Variants in CORO2B observed in about 807,000 individuals in gnomAD.
The protein encoded by CORO2B is coronin 2B.
A neutral mutation model predicts 58.8 loss-of-function variants in CORO2B; 26 were observed. The ratio of observed to expected loss-of-function variants is 0.44; its 90% CI spans 0.32 to 0.61. The LOEUF is 0.61. Ranked by LOEUF, CORO2B falls within the 20% of genes least tolerant of loss-of-function variation. CORO2B has a pLI of 0.04. For missense variants in CORO2B, 460 were observed against 645.1 expected, an observed-to-expected ratio of 0.71 and a Z score of 3.11; for synonymous variants, 242 against 253.8, an observed-to-expected ratio of 0.95 and a Z score of 0.44.
chr15:68,523,203 CT>C, the CORO2B span, among the ~76,000 whole-genome samples: 1 of 150,732 alleles, frequency 6.6e-6, no homozygotes, highest in Non-Finnish European at 1.5e-5. Flanking sequence ...TTTCTTTTTT[CT>C]TTTTGAGACA....
chr15:68,635,309 G>A (rs1218623703), intron 1 of CORO2B, among the ~76,000 whole-genome samples: 1 of 152,198 alleles, frequency 6.6e-6, no homozygotes, highest in Non-Finnish European at 1.5e-5. Context: ...GCACAGACCA[G>A]CCTCAGTGGC....
intron 1 of CORO2B, among the ~76,000 whole-genome samples, chr15:68,582,025 A>AGT (rs1899439381): frequency 1.3e-5 from 2 of 152,182 alleles, no homozygotes; most frequent in African/African-American, 4.8e-5. Flanking sequence ...AGAAGAGGAA[A>AGT]GCAGATGGCA....
At chr15:68,572,688 A>T in the CORO2B span, among the ~76,000 whole-genome samples, 1 of 152,092 alleles carries the variant, frequency 6.6e-6, no homozygotes, top group Non-Finnish European at 1.5e-5. Flanking sequence ...CCCAGGTGAA[A>T]CTGAGGCTGG....
At chr15:68,701,555 G>C (rs562454894) in intron 3 of CORO2B, among the ~76,000 whole-genome samples, 6 of 114,990 alleles carry the variant, frequency 5.2e-5, no homozygotes, top group African/African-American at 2.0e-4. Flanking sequence ...GCGCGATCTC[G>C]ACTCACTGCA....
At position 68,650,356 on chromosome 15, in the gene CORO2B, T is replaced by C. The variant is rs12907941; in HGVS notation, c.216+4996T>C. On this transcript the variant is annotated intron_variant, in intron 2 of 11. Coordinates refer to ENST00000261861, the MANE Select transcript of CORO2B (RefSeq NM_006091.5). ...TGGGCAACAAGAGCGAAACTCTGTC[T>C]AAAAAAAAAAAAAAAAAAAAAAAAA... Among the ~76,000 whole-genome samples, 16 of 86,082 alleles carry C rather than the reference T, an allele frequency of 1.9e-4. No homozygotes were observed. In the East Asian group the frequency reaches 5.1e-3, roughly 28 times the overall value. 56.5% of individuals were successfully genotyped at this position (86,082 alleles called of 152,430 possible). A position where few individuals can be genotyped will look rare whatever the true frequency, so the allele number is the denominator to read the frequency against.
chr15:68,579,793 A>ACTCTGTGCAGAAGGCGGCTCT (rs1899382209), intron 1 of CORO2B, among the ~76,000 whole-genome samples: 1 of 152,208 alleles, frequency 6.6e-6, no homozygotes, highest in Non-Finnish European at 1.5e-5. Context: ...GGCGCTGCCC[A>ACTCTGTGCAGAAGGCGGCTCT]GTCCCGGGAG....
rs1893110632 is a variant in CORO2B, at chr15:68,719,427, T to C, written c.1186T>C (p.Ser396Pro). Residue 396 changes from serine (S) to proline (P), a missense_variant, in exon 11 of 12, where the codon TCT becomes CCT. Coordinates refer to ENST00000261861, the MANE Select transcript of CORO2B (RefSeq NM_006091.5). ...GCCTTCTTTAGATCCCGTGCTGATG[T>C]CTTTGAAAGAAGGCTATAAGAAGTC... ...GGINRDPVLM[S>P]LKEGYKKSSK... The C allele has an allele frequency of 6.2e-7, 1 of 1,613,842 alleles. No individual in the cohort carries two copies. The highest frequency in any genetic ancestry group is 1.1e-5 in the South Asian group (1 of 91,046).
chr15:68,625,232 T>C (rs1231349479), intron 1 of CORO2B, among the ~76,000 whole-genome samples: 1 of 152,144 alleles, frequency 6.6e-6, no homozygotes, highest in East Asian at 1.9e-4. Context: ...TTATGCAACT[T>C]TCTCTATCTA....
At chr15:68,638,179 TCTCCCTCCCTC>T (rs1901094237) in intron 1 of CORO2B, among the ~76,000 whole-genome samples, 1 of 151,988 alleles carries the variant, frequency 6.6e-6, no homozygotes, top group Admixed American at 6.6e-5. Flanking sequence ...ATCCAGAACC[TCTCCCTCCCTC>T]CTCCTGACCC....
Position 68,714,569 on chromosome 15 carries a change from C to G in CORO2B, c.776C>G (p.Ser259Cys), listed in dbSNP as rs908456925. 6.2e-7 allele frequency: 1 copy of G among 1,613,822 alleles called. No homozygotes were observed. The highest frequency in any genetic ancestry group is 8.5e-7 in the Non-Finnish European group (1 of 1,179,726). ...GCTCTTCTCCCTCAGGAGGACCTCT[C>G]CATGCCCCTGATCGAAGAGGAAATT... ...QIALWDQEDLSMPLIEEEIDG... is the reference protein window; with the variant it reads ...QIALWDQEDLCMPLIEEEIDG... The change falls in exon 7 of 12, where the codon TCC becomes TGC. Residue 259 changes from serine to cysteine, a missense_variant. Physicochemically the swap from Ser to Cys is moderately radical, Grantham distance 112. Around this residue, in one of 2 missense-constraint regions of CORO2B, gnomAD observed 352 missense variants for 543.0 expected, o/e 0.65. Transcript: ENST00000261861.
At chr15:68,524,818 C>T in the CORO2B span, among the ~76,000 whole-genome samples, 5 of 152,328 alleles carry the variant, frequency 3.3e-5, 1 homozygote, top group East Asian at 9.6e-4. Flanking sequence ...TCTAAATACA[C>T]AGTAGATGCT....
intron 9 of CORO2B, 95 bp from the exon 10 acceptor site, chr15:68,719,049 G>A: frequency 9.7e-7 from 1 of 1,030,022 alleles, no homozygotes; most frequent in South Asian, 1.3e-5. Flanking sequence ...AGAGCAGGTA[G>A]AGTGACTGGA....
chr15:68,545,080 G>A, the CORO2B span, among the ~76,000 whole-genome samples: 1 of 152,104 alleles, frequency 6.6e-6, no homozygotes, highest in Non-Finnish European at 1.5e-5. Context: ...GGCCTGCAAG[G>A]CACATTCTTG....
At chr15:68,575,824 A>G (rs905554182), upstream of CORO2B, among the ~76,000 whole-genome samples, 1 of 151,538 alleles carries the variant, frequency 6.6e-6, no homozygotes, top group African/African-American at 2.4e-5. Flanking sequence ...GAGACCCAGG[A>G]TGAGTAGTGT....
intron 1 of CORO2B, among the ~76,000 whole-genome samples, chr15:68,602,122 C>G (rs141080919): frequency 7.2e-5 from 11 of 151,828 alleles, no homozygotes; most frequent in Non-Finnish European, 1.3e-4. Context: ...TTGGCACCGT[C>G]TGAGTTCTGG....
chr15:68,559,568 A>G, the CORO2B span: 1 of 985,198 alleles, frequency 1.0e-6, no homozygotes, highest in Non-Finnish European at 1.2e-6. The surrounding 1 kb of genome is among the most constrained non-coding windows in gnomAD (Gnocchi z 4.3). Context: ...CCGCTGGAAG[A>G]GCTGCAGGGA....
At chr15:68,700,570 C>G (rs1020962755) in intron 3 of CORO2B, among the ~76,000 whole-genome samples, 1 of 152,150 alleles carries the variant, frequency 6.6e-6, no homozygotes, top group Non-Finnish European at 1.5e-5. Context: ...AGAACATACC[C>G]AGGCCCTTCC....
intron 1 of CORO2B, among the ~76,000 whole-genome samples, chr15:68,585,096 A>G (rs1994714): frequency 0.68 from 103,120 of 152,092 alleles, 35,529 homozygotes; most frequent in East Asian, 0.86. Context: ...TTAATGTAGC[A>G]ATGGGAGGCT....
chr15:68,660,866 C>A (rs1468956673), intron 2 of CORO2B, among the ~76,000 whole-genome samples: 2 of 152,248 alleles, frequency 1.3e-5, no homozygotes, highest in Non-Finnish European at 1.5e-5. Flanking sequence ...ATGATGGTAT[C>A]TTCAACTATG....
Sources: gnomAD v4.1 joint callset for allele counts (sites outside exome capture counted in the v4.1 genomes callset) on GRCh38, gnomAD v4.1.1 for gene constraint, gnomAD v4.1.1 regional missense constraint, Gnocchi (gnomAD v3.1) non-coding constraint, MANE v1.5 for transcripts, NCBI Gene and HGNC (gene_info 2026-07-23, HGNC 2026-07-21) for gene names.